The following STK3 variants were observed in gnomAD, a reference collection of about 807,000 sequenced individuals.
STK3 encodes serine/threonine-protein kinase 3.
STK3 carries 41 observed loss-of-function variants against 58.0 expected under a neutral mutation model. That is an observed-to-expected ratio of 0.71 (90% CI 0.55 to 0.92). The LOEUF (loss-of-function observed/expected upper bound fraction) is 0.92, where lower values mean the gene tolerates loss of function less well. STK3 is among the 40% of genes least tolerant of loss of function. STK3 has a pLI of 0.00. For synonymous variants in STK3, 170 were observed against 191.0 expected (o/e 0.89, Z 0.91); for missense variants, 479 against 602.7 (o/e 0.79, Z 2.15).
chr8:98,433,576 C>CA (rs35115290), intron 3 of STK3, among the ~76,000 whole-genome samples: 97,717 of 151,948 alleles, frequency 0.64, 31,991 homozygotes, highest in Non-Finnish European at 0.7. Context: ...TCCACTGCTG[C>CA]AAAATGAGAA....
chr8:98,600,766 T>TA (rs1816275827), intron 6 of STK3, among the ~76,000 whole-genome samples: 1 of 152,166 alleles, frequency 6.6e-6, no homozygotes, highest in Non-Finnish European at 1.5e-5. Context: ...AAGTAAACTA[T>TA]ATATGAATAA....
intron 8 of STK3, among the ~76,000 whole-genome samples, chr8:98,554,386 A>C (rs777868520): frequency 1.3e-5 from 2 of 152,126 alleles, no homozygotes; most frequent in African/African-American, 2.4e-5. Context: ...GTGACCATTA[A>C]ACTTAACAAG....
chr8:98,666,194 A>G (rs2130814428), intron 6 of STK3, among the ~76,000 whole-genome samples: 1 of 152,278 alleles, frequency 6.6e-6, no homozygotes, highest in Non-Finnish European at 1.5e-5. Flanking sequence ...AAATGTAAAA[A>G]AAAAAAAAAA....
intron 6 of STK3, chr8:98,633,468 A>C: frequency 1.7e-6 from 1 of 592,058 alleles, no homozygotes; most frequent in South Asian, 2.0e-5. Flanking sequence ...GTTGGTACTG[A>C]TCCAGAAGAA....
intron 10 of STK3, among the ~76,000 whole-genome samples, chr8:98,505,201 A>G (rs1823958058): frequency 6.6e-6 from 1 of 152,132 alleles, no homozygotes. Context: ...AAGCTTGTGC[A>G]TGTGTCACGT....
rs182060439 is a variant in STK3 at position 98,689,537 on chromosome 8, T to G, written c.684+16930A>C. Among the ~76,000 whole-genome samples, 464 of 152,116 alleles carry G rather than the reference T, an allele frequency of 3.1e-3. 2 individuals carry two copies. The highest frequency in any genetic ancestry group is 4.8e-3 in the Non-Finnish European group (327 of 67,984). Reference sequence around the variant, plus strand: ...GGCTCACATCTATAATCCCAGCACTTGGGGAGGCTGAGGCAGAAGGATCAC... The same window carrying G: ...GGCTCACATCTATAATCCCAGCACTGGGGGAGGCTGAGGCAGAAGGATCAC... On this transcript the variant is annotated intron_variant, in intron 6 of 10. Transcript: ENST00000419617.
chr8:98,531,049 C>T (rs1281331614), intron 9 of STK3, among the ~76,000 whole-genome samples: 1 of 152,192 alleles, frequency 6.6e-6, no homozygotes, highest in African/African-American at 2.4e-5. Context: ...TAAAGTCATC[C>T]ATGAGGGTTG....
intron 6 of STK3, among the ~76,000 whole-genome samples, chr8:98,621,121 G>A (rs940597755): frequency 2.0e-5 from 3 of 152,102 alleles, no homozygotes; most frequent in Non-Finnish European, 2.9e-5. Context: ...AGTAGAGACC[G>A]TTAGTATTTT....
At chr8:98,695,025 T>A (rs1824754007) in intron 6 of STK3, among the ~76,000 whole-genome samples, 1 of 152,230 alleles carries the variant, frequency 6.6e-6, no homozygotes, top group South Asian at 2.1e-4. Flanking sequence ...GTTTCCTGAC[T>A]TTTTAATGAT....
intron 8 of STK3, among the ~76,000 whole-genome samples, chr8:98,564,309 T>C (rs747329401): frequency 7.0e-4 from 107 of 152,180 alleles, no homozygotes; most frequent in Non-Finnish European, 1.3e-3. Context: ...GCCTGGCTTA[T>C]ATCATTTAAC....
the STK3 span, among the ~76,000 whole-genome samples, chr8:98,349,171 T>C: frequency 6.6e-6 from 1 of 152,222 alleles, no homozygotes; most frequent in Admixed American, 6.5e-5. Context: ...TACTTTTGAT[T>C]CCAACTATAT....
At chr8:98,572,799 A>C (rs1270436060) in intron 8 of STK3, among the ~76,000 whole-genome samples, 2 of 152,210 alleles carry the variant, frequency 1.3e-5, no homozygotes, top group African/African-American at 4.8e-5. Context: ...AATCTGAAGA[A>C]AGCATGTGAA....
intron 1 of STK3, chr8:98,904,891 T>C: frequency 2.9e-6 from 2 of 690,584 alleles, no homozygotes; most frequent in Non-Finnish European, 5.5e-6. Flanking sequence ...CTGGTCACAG[T>C]TGTACTTTGG....
chr8:98,912,424 T>A (rs1049796480), intron 1 of STK3, among the ~76,000 whole-genome samples: 1 of 151,618 alleles, frequency 6.6e-6, no homozygotes, highest in African/African-American at 2.4e-5. Flanking sequence ...AAAAACTTTA[T>A]CTTGATCGCT....
At chr8:98,714,453 T>A (rs554211487) in intron 4 of STK3, among the ~76,000 whole-genome samples, 1 of 152,308 alleles carries the variant, frequency 6.6e-6, no homozygotes, top group African/African-American at 2.4e-5. Context: ...ACAAAGTCAA[T>A]GTGCAAAAAT....
chr8:98,767,583 A>C (rs1414263591), intron 2 of STK3, among the ~76,000 whole-genome samples: 1 of 152,252 alleles, frequency 6.6e-6, no homozygotes, highest in East Asian at 1.9e-4. Flanking sequence ...AGTCAAGTTA[A>C]CATATAATGA....
chr8:98,847,503 C>T (rs1000197407), intron 3 of STK3, among the ~76,000 whole-genome samples: 5 of 152,112 alleles, frequency 3.3e-5, no homozygotes, highest in South Asian at 4.1e-4. Flanking sequence ...CCATACGCCT[C>T]GCTCTTGGTT....
chr8:98,854,279 C>CA (rs1294872043), intron 3 of STK3, among the ~76,000 whole-genome samples: 7 of 152,044 alleles, frequency 4.6e-5, no homozygotes, highest in Non-Finnish European at 1.0e-4. Flanking sequence ...GCTGGGATTA[C>CA]AGGTGCCCAC....
At chr8:98,607,741 T>C (rs1175426760) in intron 6 of STK3, among the ~76,000 whole-genome samples, 2 of 152,210 alleles carry the variant, frequency 1.3e-5, no homozygotes, top group African/African-American at 4.8e-5. Flanking sequence ...TTATTCAGAT[T>C]TGGATACTCA....
Sources: allele counts gnomAD v4.1 joint callset (sites outside exome capture counted in the v4.1 genomes callset), GRCh38; gene constraint gnomAD v4.1.1; transcripts MANE v1.5; gene names NCBI Gene and HGNC (gene_info 2026-07-23, HGNC 2026-07-21).